TTC6: variants seen among roughly 807,000 people sequenced by gnomAD.
TTC6 encodes tetratricopeptide repeat protein 6.
TTC6 carries 172 observed loss-of-function variants against 210.4 expected under a neutral mutation model. That is an observed-to-expected ratio of 0.82 (90% CI 0.72 to 0.93). The LOEUF is 0.93. Among genes scored for constraint, TTC6 ranks in the 40% least tolerant of loss-of-function variants. The pLI, the probability that TTC6 is intolerant of heterozygous loss-of-function variation, is 0.00. For missense variants in TTC6, 2,414 were observed against 2,318.1 expected, an observed-to-expected ratio of 1.04 and a Z score of -0.85; for synonymous variants, 804 against 819.6, an observed-to-expected ratio of 0.98 and a Z score of 0.32.
chr14:37,610,834 T>C (rs564023825), intron 2 of TTC6, among the ~76,000 whole-genome samples: 1 of 152,230 alleles, frequency 6.6e-6, no homozygotes, highest in Non-Finnish European at 1.5e-5. Flanking sequence ...TCATACATTA[T>C]GTACCCCTCG....
intron 6 of TTC6, among the ~76,000 whole-genome samples, chr14:37,720,255 G>C (rs1169050751): frequency 6.6e-6 from 1 of 152,090 alleles, no homozygotes; most frequent in Non-Finnish European, 1.5e-5. Context: ...AAATGGTACA[G>C]CCCTCTAGAA....
intron 14 of TTC6, among the ~76,000 whole-genome samples, chr14:37,766,309 C>A (rs928183666): frequency 2.0e-5 from 3 of 152,106 alleles, no homozygotes; most frequent in Non-Finnish European, 4.4e-5. Flanking sequence ...TATTTCATCA[C>A]CAAGGTGATA....
At chr14:37,622,081 G>A (rs1348248910) in exon 1 of TTC6, 5 of 1,529,688 alleles carry the variant, frequency 3.3e-6, no homozygotes, top group Non-Finnish European at 4.4e-6. Flanking sequence ...ACAATCCCGA[G>A]ACACTTTGGC....
At chr14:37,727,536 G>A (rs557401221) in intron 7 of TTC6, among the ~76,000 whole-genome samples, 65 of 21,204 alleles carry the variant, frequency 3.1e-3, no homozygotes, top group Admixed American at 5.0e-3. Context: ...CTTGTGATCC[G>A]CCCGCCTTGG....
intron 6 of TTC6, among the ~76,000 whole-genome samples, chr14:37,724,313 A>C (rs1453465945): frequency 6.6e-6 from 1 of 152,122 alleles, no homozygotes; most frequent in African/African-American, 2.4e-5. Flanking sequence ...ACCAATAAAT[A>C]ATACATTTTT....
chr14:37,774,395 T>G (rs2096030682), intron 14 of TTC6, among the ~76,000 whole-genome samples: 1 of 152,150 alleles, frequency 6.6e-6, no homozygotes, highest in African/African-American at 2.4e-5. Flanking sequence ...TGAGTATAGG[T>G]TTGTCATCAA....
chr14:37,735,771 T>A, intron 7 of TTC6, 150 bp from the exon 10 acceptor site: 1 of 542,060 alleles, frequency 1.8e-6, no homozygotes, highest in Non-Finnish European at 3.2e-6. Flanking sequence ...TTGATGCATC[T>A]CTGGTAAGTG....
intron 6 of TTC6, among the ~76,000 whole-genome samples, chr14:37,717,744 GT>G (rs2095855006): frequency 1.3e-5 from 2 of 151,342 alleles, no homozygotes; most frequent in South Asian, 2.1e-4. Context: ...GACAAAGACA[GT>G]AAAAAAAACA....
intron 14 of TTC6, among the ~76,000 whole-genome samples, chr14:37,768,479 A>G (rs1411775888): frequency 6.6e-6 from 1 of 152,052 alleles, no homozygotes; most frequent in Non-Finnish European, 1.5e-5. Context: ...TATTTCATTG[A>G]GCAGTGGTTT....
intron 15 of TTC6, 24 bp downstream of exon 17, chr14:37,787,661 A>G (rs2096070958): frequency 2.8e-6 from 4 of 1,411,910 alleles, no homozygotes. Flanking sequence ...AATTACATGT[A>G]TATAGCAACC....
intron 5 of TTC6, among the ~76,000 whole-genome samples, chr14:37,708,609 C>T (rs2095839562): frequency 6.6e-6 from 1 of 152,010 alleles, no homozygotes; most frequent in Non-Finnish European, 1.5e-5. Flanking sequence ...TCTGTATACT[C>T]GCTCTCATTC....
chr14:37,651,478 A>G (rs1156345627), intron 1 of TTC6, among the ~76,000 whole-genome samples: 11 of 128,194 alleles, frequency 8.6e-5, no homozygotes, highest in Non-Finnish European at 1.8e-4. Flanking sequence ...TTTTTGGGTC[A>G]TTAATGAAAA....
chr14:37,803,203 T>A (rs2096110886), intron 20 of TTC6, among the ~76,000 whole-genome samples: 1 of 152,224 alleles, frequency 6.6e-6, no homozygotes, highest in South Asian at 2.1e-4. Context: ...GCTGGATACC[T>A]GATGTCACCA....
intron 1 of TTC6, among the ~76,000 whole-genome samples, chr14:37,663,981 C>A (rs2095742840): frequency 7.1e-6 from 1 of 140,188 alleles, no homozygotes; most frequent in Admixed American, 6.9e-5. Context: ...AACTATAAAC[C>A]ACTGCTCAAA....
At chr14:37,672,758 T>C (rs539513427) in intron 1 of TTC6, among the ~76,000 whole-genome samples, 1 of 152,258 alleles carries the variant, frequency 6.6e-6, no homozygotes, top group East Asian at 1.9e-4. Flanking sequence ...GAAACATTTT[T>C]TTCTGATTGC....
chr14:37,805,457 A>G (rs1267626629), intron 21 of TTC6, among the ~76,000 whole-genome samples: 1 of 151,224 alleles, frequency 6.6e-6, no homozygotes, highest in Non-Finnish European at 1.5e-5. Flanking sequence ...ACACACAAAC[A>G]CACACACATC....
intron 14 of TTC6, 41 bp from the exon 17 acceptor site, chr14:37,787,427 A>G (rs879640441): frequency 9.1e-6 from 12 of 1,319,652 alleles, no homozygotes; most frequent in Non-Finnish European, 1.2e-5. Flanking sequence ...GAGAAAATGT[A>G]TACTTTACAG....
chr14:37,666,912 A>T (rs1320775289), intron 1 of TTC6, among the ~76,000 whole-genome samples: 3 of 150,312 alleles, frequency 2.0e-5, no homozygotes, highest in East Asian at 1.9e-4. Context: ...CTGAAAAAAA[A>T]TTTTATGACT....
chr14:37,600,848 A>C (rs1206755129), intron 1 of TTC6, among the ~76,000 whole-genome samples: 1 of 151,708 alleles, frequency 6.6e-6, no homozygotes, highest in Non-Finnish European at 1.5e-5. Context: ...AAGAGCTAAC[A>C]TCAGAGGAAA....
Sources: allele counts gnomAD v4.1 joint callset (sites outside exome capture counted in the v4.1 genomes callset), GRCh38; gene constraint gnomAD v4.1.1; transcripts MANE v1.5; gene names NCBI Gene and HGNC (gene_info 2026-07-23, HGNC 2026-07-21).